KLHL13: variants seen among roughly 807,000 people sequenced by gnomAD.
KLHL13 encodes the protein kelch like family member 13, also known as kelch-like protein 13.
A neutral mutation model predicts 37.1 loss-of-function variants in KLHL13; 10 were observed. That is an observed-to-expected ratio of 0.27 (90% confidence interval 0.17 to 0.46). The LOEUF is 0.46. Ranked by LOEUF, KLHL13 falls within the 20% of genes least tolerant of loss-of-function variation. The pLI is 1.00. For synonymous variants in KLHL13, 163 were observed against 181.2 expected (o/e 0.90, Z 0.81); for missense variants, 360 against 509.3 (o/e 0.71, Z 2.82).
At chrX:117,965,359 T>C (rs1303360896) in intron 1 of KLHL13, among the ~76,000 whole-genome samples, 1 of 112,254 alleles carries the variant, frequency 8.9e-6, no homozygotes. Flanking sequence ...CATTTTTTCA[T>C]GTGTCTTTTG....
At chrX:117,911,419 T>C (rs1204008691) in intron 4 of KLHL13, among the ~76,000 whole-genome samples, 2 of 112,280 alleles carry the variant, frequency 1.8e-5, no homozygotes, top group Non-Finnish European at 3.8e-5. Context: ...TTAATTAGAC[T>C]TTAACTTATG....
intron 1 of KLHL13, among the ~76,000 whole-genome samples, chrX:118,030,082 C>G (rs2054319518): frequency 9.0e-6 from 1 of 110,912 alleles, no homozygotes; most frequent in Non-Finnish European, 1.9e-5. Flanking sequence ...TCTTCCAGCC[C>G]CTGAATTTAA....
At chrX:118,009,167 T>C (rs1209189873) in intron 1 of KLHL13, among the ~76,000 whole-genome samples, 1 of 102,011 alleles carries the variant, frequency 9.8e-6, no homozygotes, top group Admixed American at 1.1e-4. Context: ...GTCAGATGAG[T>C]AGGTTGTGAA....
chrX:118,036,647 A>G (rs1231088391), intron 1 of KLHL13, among the ~76,000 whole-genome samples: 1 of 111,927 alleles, frequency 8.9e-6, no homozygotes, highest in Non-Finnish European at 1.9e-5. Context: ...ACCCTAGAAG[A>G]AAACATAGGC....
chrX:118,053,773 G>A (rs1443011493), intron 1 of KLHL13, among the ~76,000 whole-genome samples: 1 of 85,998 alleles, frequency 1.2e-5, no homozygotes, highest in African/African-American at 5.1e-5. Flanking sequence ...ATTTGTGTGT[G>A]TGTGTGTGTG....
intron 1 of KLHL13, among the ~76,000 whole-genome samples, chrX:117,950,775 C>T (rs28367052): frequency 0.062 from 6,914 of 112,111 alleles, 520 homozygotes; most frequent in African/African-American, 0.21. Context: ...AAAGTCTTTC[C>T]TCAAAGTACT....
chrX:117,951,393 G>A (rs1933593472), intron 1 of KLHL13, among the ~76,000 whole-genome samples: 1 of 111,773 alleles, frequency 8.9e-6, no homozygotes, highest in African/African-American at 3.2e-5. Flanking sequence ...ATACCAACAA[G>A]AGTGAGCTTG....
At chrX:117,898,561 C>A (rs1001625616) in exon 7 of KLHL13, 2 of 151,481 alleles carry the variant, frequency 1.3e-5, no homozygotes, top group Non-Finnish European at 2.5e-5. Context: ...TATAATCCAC[C>A]TTCAACTTGG....
rs1569313976 is a variant in KLHL13 at position 118,089,670 on chromosome X, A to AAAG, written c.-56+26835_-56+26837dup. Reference sequence around the variant, plus strand: ...AGAAAGAAAGAAAGAAAGAAAGAAAAAAGAAAGTTTCAATGAGATCCAGAA... The same window carrying AAAG: ...AGAAAGAAAGAAAGAAAGAAAGAAAAAAGAAGAAAGTTTCAATGAGATCCAGAA... On this transcript the variant is annotated intron_variant, in intron 1 of 6. Coordinates refer to the KLHL13 transcript ENST00000371882. Among the ~76,000 whole-genome samples the AAAG allele has an allele frequency of 4.6e-3, 350 of 75,518 alleles. 5 individuals are homozygous for AAAG. The highest frequency in any genetic ancestry group is 0.018 in the African/African-American group (331 of 18,863). The allele number at this position is 75,518 out of a possible 115,157, so 65.6% of individuals were successfully genotyped here. A position where few individuals can be genotyped will look rare whatever the true frequency, so the allele number is the denominator to read the frequency against.
rs774919930 is a variant in KLHL13 at position 118,072,582 on chromosome X, C to T, written c.-56+43926G>A. Among the ~76,000 whole-genome samples, 159 of 111,346 alleles carry T rather than the reference C, an allele frequency of 1.4e-3. 1 individual carries two copies. Among genetic ancestry groups the T allele is most frequent in the African/African-American group, 5.0e-3 (153 of 30,697 alleles). ...GAGGAAATTTTCACAACCTACTCAT[C>T]TGACAAAGGGCTAATATCCAGAATC... is the stretch of plus-strand genomic sequence containing the variant. On this transcript the variant is annotated intron_variant, in intron 1 of 6. Coordinates refer to the KLHL13 transcript ENST00000371882.
chrX:117,953,106 G>A (rs1933715533), intron 1 of KLHL13, among the ~76,000 whole-genome samples: 1 of 110,221 alleles, frequency 9.1e-6, no homozygotes, highest in Non-Finnish European at 1.9e-5. Flanking sequence ...ACATGCACAC[G>A]TATGTTTATT....
At chrX:117,976,321 C>T (rs764452559), upstream of KLHL13, among the ~76,000 whole-genome samples, 403 of 112,120 alleles carry the variant, frequency 3.6e-3, no homozygotes, top group African/African-American at 0.012. Flanking sequence ...ATCAGAAATA[C>T]AGTTCATGAA....
intron 2 of KLHL13, among the ~76,000 whole-genome samples, chrX:117,938,290 T>C (rs1433058831): frequency 9.0e-6 from 1 of 111,626 alleles, no homozygotes; most frequent in African/African-American, 3.3e-5. Context: ...TTAAGTTATC[T>C]CTAATGTTTA....
intron 1 of KLHL13, among the ~76,000 whole-genome samples, chrX:118,114,431 T>C (rs940030475): frequency 1.8e-5 from 2 of 112,348 alleles, no homozygotes; most frequent in Admixed American, 9.5e-5. Context: ...ATTCTTTTCC[T>C]GGCAAATATA....
intron 1 of KLHL13, among the ~76,000 whole-genome samples, chrX:117,986,151 A>G (rs999471344): frequency 1.8e-5 from 2 of 111,530 alleles, no homozygotes; most frequent in African/African-American, 6.5e-5. Flanking sequence ...GACAATACAA[A>G]ATATGGTGTA....
At chrX:117,929,611 C>T (rs1259617947) in intron 2 of KLHL13, among the ~76,000 whole-genome samples, 1 of 109,119 alleles carries the variant, frequency 9.2e-6, no homozygotes, top group African/African-American at 3.3e-5. Context: ...AAAAAAAAGG[C>T]ATTTGTCAAA....
At chrX:117,906,744 T>C (rs770825042) in intron 5 of KLHL13, among the ~76,000 whole-genome samples, 20 of 111,520 alleles carry the variant, frequency 1.8e-4, no homozygotes, top group Non-Finnish European at 3.4e-4. Context: ...ACGCAATCAT[T>C]TTCTACAAAA....
At chrX:118,110,656 C>T (rs1220432986) in intron 1 of KLHL13, among the ~76,000 whole-genome samples, 3 of 111,249 alleles carry the variant, frequency 2.7e-5, no homozygotes, top group Non-Finnish European at 5.7e-5. Flanking sequence ...GTATTACAGG[C>T]GTGAGCCACC....
rs775684436 is a variant in KLHL13, at chrX:117,963,970, C to T, written c.98+8761G>A. On this transcript the variant is annotated intron_variant, in intron 1 of 6. Coordinates refer to ENST00000262820, the Ensembl canonical transcript of KLHL13. ...AAAAACCAAACACCGCATATTCTCA[C>T]TCATAGGTGGGAATTGAACAATGAG... Among the ~76,000 whole-genome samples the T allele has an allele frequency of 3.0e-3, 241 of 79,481 alleles. 2 individuals are homozygous for T. Among genetic ancestry groups the T allele is most frequent in the African/African-American group, 0.011 (219 of 20,319 alleles). The allele number at this position is 79,481 out of a possible 115,157, so 69.0% of individuals were successfully genotyped here.
Sources: gnomAD v4.1 joint callset for allele counts (sites outside exome capture counted in the v4.1 genomes callset) on GRCh38, gnomAD v4.1.1 for gene constraint, MANE v1.5 for transcripts, NCBI Gene and HGNC (gene_info 2026-07-23, HGNC 2026-07-21) for gene names.